Variants in IGF1R observed in about 807,000 individuals in gnomAD.
IGF1R encodes insulin-like growth factor 1 receptor.
Under a neutral mutation model 144.6 loss-of-function variants are expected in IGF1R, and 44 were observed. The observed-to-expected ratio is 0.30, with a 90% confidence interval of 0.24 to 0.39. The LOEUF (loss-of-function observed/expected upper bound fraction) is 0.39, where lower values mean the gene tolerates loss of function less well. Ranked by LOEUF, IGF1R falls within the 10% of genes least tolerant of loss-of-function variation. The probability of loss-of-function intolerance (pLI) is 1.00; values close to 1 mark genes in which losing one functional copy is unlikely to be tolerated. For synonymous variants in IGF1R, 795 were observed against 722.8 expected, an observed-to-expected ratio of 1.10 and a Z score of -1.60; for missense variants, 1,355 against 1,833.7, an observed-to-expected ratio of 0.74 and a Z score of 4.77.
intron 2 of IGF1R, among the ~76,000 whole-genome samples, chr15:98,771,521 GTTAT>G (rs2055584563): frequency 6.6e-6 from 1 of 152,168 alleles, no homozygotes; most frequent in Non-Finnish European, 1.5e-5. Flanking sequence ...AAGCAGAGAA[GTTAT>G]TTATATATAG....
chr15:98,825,705 G>A lies in IGF1R; in HGVS notation c.641-65620G>A, dbSNP rs141613158. On this transcript the variant is annotated intron_variant, in intron 2 of 20. Transcript: ENST00000650285. The stretch of plus-strand genomic sequence containing the variant: ...TGCCAAAAAGGTTGGGGACCACTAC[G>A]TTAGACCATCTGTAGATTACTTATA... 4.8e-3 allele frequency among the ~76,000 whole-genome samples: 730 copies of A among 152,268 alleles called. 22 individuals carry two copies. The highest frequency in any genetic ancestry group is 0.045 in the Admixed American group (681 of 15,298).
chr15:98,852,622 G>A (rs553361546), intron 2 of IGF1R, among the ~76,000 whole-genome samples: 2 of 152,300 alleles, frequency 1.3e-5, no homozygotes, highest in African/African-American at 4.8e-5. Flanking sequence ...AAAGCGGGTG[G>A]AGGGTGGAGG....
chr15:98,899,747 A>G, intron 5 of IGF1R, 126 bp downstream of exon 5: 1 of 925,920 alleles, frequency 1.1e-6, no homozygotes, highest in East Asian at 2.5e-5. Context: ...AAGCCGCAGT[A>G]TTGCCTGTGC....
chr15:98,852,702 G>A (rs753462721), intron 2 of IGF1R, among the ~76,000 whole-genome samples: 7 of 152,182 alleles, frequency 4.6e-5, no homozygotes, highest in African/African-American at 9.7e-5. Context: ...GCAGAGTCGG[G>A]GAATCCCTCC....
chr15:98,672,993 T>A (rs189555473), intron 1 of IGF1R, among the ~76,000 whole-genome samples: 3 of 152,326 alleles, frequency 2.0e-5, no homozygotes, highest in African/African-American at 7.2e-5. Context: ...AGCATCTTTT[T>A]ATTTTATTTT....
intron 14 of IGF1R, 124 bp from the exon 15 acceptor site, chr15:98,930,111 C>G (rs1010769033): frequency 5.3e-6 from 4 of 756,904 alleles, no homozygotes; most frequent in African/African-American, 1.7e-5. Flanking sequence ...ACAGTAAGCT[C>G]TCCCCATTCT....
chr15:98,913,122 C>A lies in IGF1R; in HGVS notation c.1668C>A (p.Leu556=). 1.9e-6 allele frequency: 3 copies of A among 1,614,242 alleles called. No homozygotes were observed. The highest frequency in any genetic ancestry group is 2.5e-6 in the Non-Finnish European group (3 of 1,180,042). The change falls in exon 8 of 21, where the codon CTC becomes CTA. Residue 556 remains leucine (L), a synonymous_variant. Transcript: ENST00000650285. ...SNSWNMVDVD[L]PPNKDVEPGI... Reference sequence around the variant, plus strand: ...GCTGGAACATGGTGGACGTGGACCTCCCGCCCAACAAGGACGTGGAGCCCG... The same window carrying A: ...GCTGGAACATGGTGGACGTGGACCTACCGCCCAACAAGGACGTGGAGCCCG...
chr15:98,909,146 G>T (rs372611547), intron 6 of IGF1R, among the ~76,000 whole-genome samples: 136 of 152,142 alleles, frequency 8.9e-4, no homozygotes, highest in African/African-American at 3.2e-3. Flanking sequence ...TTATAAGTAG[G>T]TTCTCAAACT....
At chr15:98,806,254 G>C (rs1266702256) in intron 2 of IGF1R, among the ~76,000 whole-genome samples, 1 of 152,054 alleles carries the variant, frequency 6.6e-6, no homozygotes, top group African/African-American at 2.4e-5. Flanking sequence ...GAGGTGTGGG[G>C]GGTGGCGTGG....
intron 2 of IGF1R, among the ~76,000 whole-genome samples, chr15:98,784,689 T>G (rs2055946929): frequency 6.6e-6 from 1 of 151,948 alleles, no homozygotes; most frequent in East Asian, 1.9e-4. Flanking sequence ...CAACTACAGA[T>G]TAAGAATATT....
chr15:98,857,702 C>A (rs1018329290), intron 2 of IGF1R, among the ~76,000 whole-genome samples: 1 of 152,154 alleles, frequency 6.6e-6, no homozygotes, highest in Admixed American at 6.5e-5. Context: ...TACGGAGGAA[C>A]TGGATTTTGG....
intron 2 of IGF1R, among the ~76,000 whole-genome samples, chr15:98,780,472 C>T (rs377200096): frequency 6.8e-6 from 1 of 146,280 alleles, no homozygotes; most frequent in Admixed American, 7.1e-5. Context: ...TCGCTTGAAC[C>T]CGGGAGGTGG....
In IGF1R at chr15:98,957,501, G is replaced by A. The variant is rs138593519; in HGVS notation, c.*59G>A. The A allele has an allele frequency of 3.1e-6, 5 of 1,606,600 alleles. No homozygotes were observed. Among genetic ancestry groups the A allele is most frequent in the South Asian group, 1.1e-5 (1 of 90,710 alleles). On this transcript the variant is annotated 3_prime_UTR_variant, in exon 21 of 21. Transcript: ENST00000650285. ...TGTGCGCACGCGCAGCGGGGTGGGGGGGGAGAGAGAGTTTTAACAATCCAT... is the reference window on the plus strand; with the variant it reads ...TGTGCGCACGCGCAGCGGGGTGGGGAGGGAGAGAGAGTTTTAACAATCCAT...
At chr15:98,868,700 C>G (rs1052509141) in intron 2 of IGF1R, among the ~76,000 whole-genome samples, 2 of 152,140 alleles carry the variant, frequency 1.3e-5, no homozygotes, top group African/African-American at 4.8e-5. Flanking sequence ...GCCTCAGGCT[C>G]TGGTTCTGAA....
intron 5 of IGF1R, among the ~76,000 whole-genome samples, chr15:98,907,522 A>C (rs2014791957): frequency 1.3e-5 from 2 of 152,214 alleles, no homozygotes; most frequent in South Asian, 4.1e-4. Flanking sequence ...TCCCAAACTT[A>C]GTAAGAAGCA....
At chr15:98,750,950 A>G (rs2054995354) in intron 2 of IGF1R, among the ~76,000 whole-genome samples, 1 of 151,420 alleles carries the variant, frequency 6.6e-6, no homozygotes, top group African/African-American at 2.4e-5. Context: ...CACCATGGCC[A>G]GCTAATTTTT....
intron 2 of IGF1R, among the ~76,000 whole-genome samples, chr15:98,812,039 G>T (rs988415335): frequency 3.3e-5 from 5 of 152,180 alleles, no homozygotes; most frequent in Non-Finnish European, 7.3e-5. Context: ...TCTTTTACTT[G>T]TTCTTTGTTT....
At chr15:98,787,331 T>G (rs1218889143) in intron 2 of IGF1R, among the ~76,000 whole-genome samples, 1 of 152,200 alleles carries the variant, frequency 6.6e-6, no homozygotes, top group African/African-American at 2.4e-5. Flanking sequence ...CATAGCACTC[T>G]CAGATAAAAC....
chr15:98,819,053 G>A (rs2056754854), intron 2 of IGF1R, among the ~76,000 whole-genome samples: 1 of 152,102 alleles, frequency 6.6e-6, no homozygotes, highest in African/African-American at 2.4e-5. Context: ...GGAAGTGTGT[G>A]GTGGAGAAGG....
Sources: gnomAD v4.1 joint callset for allele counts (sites outside exome capture counted in the v4.1 genomes callset) on GRCh38, gnomAD v4.1.1 for gene constraint, MANE v1.5 for transcripts, NCBI Gene and HGNC (gene_info 2026-07-23, HGNC 2026-07-21) for gene names.